DOCK2: variants seen among roughly 807,000 people sequenced by gnomAD.
The protein encoded by DOCK2 is dedicator of cytokinesis protein 2.
DOCK2 carries 87 observed loss-of-function variants against 248.9 expected under a neutral mutation model. The observed-to-expected ratio is 0.35, with a 90% CI of 0.29 to 0.42. The LOEUF (loss-of-function observed/expected upper bound fraction) is 0.42. Among genes scored for constraint, DOCK2 ranks in the 10% least tolerant of loss-of-function variants. The probability of loss-of-function intolerance (pLI) is 1.00; values close to 1 mark genes in which losing one functional copy is unlikely to be tolerated. For synonymous variants in DOCK2, 805 were observed against 821.6 expected (o/e 0.98, Z 0.35); for missense variants, 1,747 against 2,300.2 (o/e 0.76, Z 4.92).
intron 30 of DOCK2, 106 bp downstream of exon 30, chr5:169,996,270 C>T (rs1754630475): frequency 1.7e-6 from 2 of 1,172,634 alleles, no homozygotes; most frequent in Non-Finnish European, 2.4e-6. Context: ...GAAGCTGTCC[C>T]AGTCTCTCCA....
intron 6 of DOCK2, among the ~76,000 whole-genome samples, chr5:169,679,652 A>C (rs918501534): frequency 6.6e-6 from 1 of 152,356 alleles, no homozygotes; most frequent in East Asian, 1.9e-4. Context: ...TTCCAAGGTC[A>C]GGAGAGCCTC....
rs554167886 is a variant in DOCK2, at chr5:169,978,848, C to T, written c.2800-4220C>T. Among the ~76,000 whole-genome samples the T allele has an allele frequency of 4.6e-5, 7 of 152,306 alleles. No individual in the cohort carries two copies. The East Asian group carries it at 1.2e-3, about 25-fold the overall frequency. On this transcript the variant is annotated intron_variant, in intron 27 of 51. Transcript: ENST00000520908. ...ATTGCACTTATTTTTACACGTTTGA[C>T]CTAGTTTCAAACCGTGTCTCTTCAT...
At chr5:169,670,926 G>A in intron 4 of DOCK2, 152 bp from the exon 5 acceptor site, 1 of 648,786 alleles carries the variant, frequency 1.5e-6, no homozygotes, top group Non-Finnish European at 2.7e-6. Context: ...CCTTGTATTT[G>A]CATAATGTAG....
chr5:169,648,667 T>C (rs1006221923), intron 1 of DOCK2, among the ~76,000 whole-genome samples: 21 of 152,174 alleles, frequency 1.4e-4, no homozygotes, highest in African/African-American at 1.9e-4. Flanking sequence ...GTTTACTTGA[T>C]CTTGCACTAC....
intron 27 of DOCK2, among the ~76,000 whole-genome samples, chr5:169,914,632 T>G (rs1247537089): frequency 6.6e-6 from 1 of 152,208 alleles, no homozygotes; most frequent in Non-Finnish European, 1.5e-5. Flanking sequence ...ATCAAGAGTT[T>G]CCACATAGAA....
intron 27 of DOCK2, among the ~76,000 whole-genome samples, chr5:169,903,705 G>T: frequency 6.6e-6 from 1 of 152,124 alleles, no homozygotes; most frequent in East Asian, 1.9e-4. Context: ...GGGGCAGGGG[G>T]AGAAAAGAAG....
At chr5:169,673,677 T>G (rs1337593105) in intron 5 of DOCK2, among the ~76,000 whole-genome samples, 1 of 152,156 alleles carries the variant, frequency 6.6e-6, no homozygotes, top group East Asian at 1.9e-4. Context: ...TGTCAAAAGC[T>G]CTGAGTCCAA....
intron 26 of DOCK2, among the ~76,000 whole-genome samples, chr5:169,834,879 A>G (rs1306695008): frequency 3.3e-5 from 5 of 152,208 alleles, no homozygotes; most frequent in Non-Finnish European, 7.3e-5. Context: ...AAGCAAATCT[A>G]CTTGGAGGAC....
intron 29 of DOCK2, among the ~76,000 whole-genome samples, chr5:169,992,897 G>A (rs1436682992): frequency 6.6e-6 from 1 of 152,176 alleles, no homozygotes; most frequent in East Asian, 1.9e-4. Context: ...CTAGAGAAAG[G>A]GAGGAACTTT....
chr5:169,931,299 A>G (rs922419918), intron 27 of DOCK2, among the ~76,000 whole-genome samples: 3 of 152,246 alleles, frequency 2.0e-5, no homozygotes, highest in African/African-American at 7.2e-5. Context: ...AAAGCCATCA[A>G]AGTACAGGTC....
intron 35 of DOCK2, among the ~76,000 whole-genome samples, chr5:170,034,780 G>A (rs1165887200): frequency 6.6e-6 from 1 of 152,154 alleles, no homozygotes; most frequent in African/African-American, 2.4e-5. Context: ...TGAGATTAAT[G>A]CATATTCCCT....
chr5:169,779,695 C>T (rs775640468), intron 25 of DOCK2, among the ~76,000 whole-genome samples: 23 of 152,158 alleles, frequency 1.5e-4, no homozygotes, highest in Non-Finnish European at 1.9e-4. Context: ...GTTCTGTCCC[C>T]ACCCCACCCC....
At position 169,807,550 on chromosome 5, in the gene DOCK2, G is replaced by A. The variant is rs1035949224; in HGVS notation, c.2703+4344G>A. ...CAGTCTATAAAATCTAGCATCTTCC[G>A]GCTGGGTGCATGTGGCTCACGCCTG... is the stretch of plus-strand genomic sequence containing the variant. On this transcript the variant is annotated intron_variant, in intron 26 of 51. Coordinates refer to ENST00000520908, the MANE Select transcript of DOCK2 (RefSeq NM_004946.3). Among the ~76,000 whole-genome samples, 13 of 151,876 alleles carry A rather than the reference G, an allele frequency of 8.6e-5. No individual in the cohort carries two copies. The East Asian group carries it at 2.3e-3, about 27-fold the overall frequency.
At chr5:169,822,589 C>T (rs549352353) in intron 26 of DOCK2, among the ~76,000 whole-genome samples, 8 of 152,088 alleles carry the variant, frequency 5.3e-5, no homozygotes, top group African/African-American at 1.2e-4. Flanking sequence ...AGACACAACA[C>T]GCCAGAATCT....
At chr5:170,076,111 G>C in intron 47 of DOCK2, 27 bp downstream of exon 47, 1 of 1,611,770 alleles carries the variant, frequency 6.2e-7, no homozygotes, top group Non-Finnish European at 8.5e-7. Flanking sequence ...TGGCTTGGAG[G>C]GGTGGGATTG....
intron 22 of DOCK2, among the ~76,000 whole-genome samples, chr5:169,725,649 C>G (rs1415200840): frequency 6.6e-6 from 1 of 151,186 alleles, no homozygotes; most frequent in African/African-American, 2.4e-5. Flanking sequence ...TAATGCTATT[C>G]CTCCCCCAGC....
chr5:169,882,280 G>T (rs553806214), intron 27 of DOCK2, among the ~76,000 whole-genome samples: 6 of 152,102 alleles, frequency 3.9e-5, no homozygotes, highest in East Asian at 1.9e-4. Flanking sequence ...AATCATTTTT[G>T]ATCTTACTGC....
intron 2 of DOCK2, 107 bp from the exon 3 acceptor site, chr5:169,669,181 A>G (rs1758898448): frequency 3.6e-6 from 5 of 1,378,294 alleles, no homozygotes; most frequent in Non-Finnish European, 5.1e-6. Flanking sequence ...GTCTAAAGCA[A>G]TTTGCAGTAG....
intron 8 of DOCK2, among the ~76,000 whole-genome samples, chr5:169,688,607 T>C (rs1353233108): frequency 6.6e-6 from 1 of 152,230 alleles, no homozygotes; most frequent in East Asian, 1.9e-4. Flanking sequence ...GAGCATCATG[T>C]TGACACTTAA....
Sources: allele counts gnomAD v4.1 joint callset (sites outside exome capture counted in the v4.1 genomes callset), GRCh38; gene constraint gnomAD v4.1.1; transcripts MANE v1.5; gene names NCBI Gene and HGNC (gene_info 2026-07-23, HGNC 2026-07-21).